MYRIP: variants seen among roughly 807,000 people sequenced by gnomAD.
The protein encoded by MYRIP is myosin VIIA and Rab interacting protein.
MYRIP carries 49 observed loss-of-function variants against 98.0 expected under a neutral mutation model. The observed-to-expected ratio is 0.50, with a 90% CI of 0.40 to 0.63. The LOEUF (loss-of-function observed/expected upper bound fraction) is 0.63. Ranked by LOEUF, MYRIP falls within the 30% of genes least tolerant of loss-of-function variation. The pLI, the probability that MYRIP is intolerant of heterozygous loss-of-function variation, is 0.00. For missense variants in MYRIP, 1,004 were observed against 1,058.2 expected, an observed-to-expected ratio of 0.95 and a Z score of 0.71; for synonymous variants, 404 against 409.5, an observed-to-expected ratio of 0.99 and a Z score of 0.16.
intron 2 of MYRIP, among the ~76,000 whole-genome samples, chr3:39,973,718 A>G (rs1945665238): frequency 6.6e-6 from 1 of 152,190 alleles, no homozygotes; most frequent in African/African-American, 2.4e-5. Context: ...CCGCAGTGCA[A>G]TCAAACTAGA....
intron 2 of MYRIP, among the ~76,000 whole-genome samples, chr3:40,025,603 A>G (rs753831192): frequency 1.3e-5 from 2 of 152,142 alleles, no homozygotes; most frequent in South Asian, 2.1e-4. Flanking sequence ...CAATATTTCA[A>G]TGTAGGTTCT....
chr3:40,069,570 G>A (rs778892659), intron 3 of MYRIP, among the ~76,000 whole-genome samples: 8 of 151,994 alleles, frequency 5.3e-5, no homozygotes, highest in South Asian at 2.1e-4. Context: ...CTCTATGCCC[G>A]TTAAATAGTA....
At chr3:39,913,600 C>T (rs1285552453) in intron 2 of MYRIP, among the ~76,000 whole-genome samples, 1 of 152,174 alleles carries the variant, frequency 6.6e-6, no homozygotes, top group Non-Finnish European at 1.5e-5. Flanking sequence ...TAAGAAAAAT[C>T]AGTTAACATT....
intron 15 of MYRIP, 24 bp from the exon 16 acceptor site, chr3:40,251,857 T>G (rs1324612974): frequency 6.6e-7 from 1 of 1,514,132 alleles, no homozygotes; most frequent in African/African-American, 1.4e-5. Flanking sequence ...TGGGTAACAT[T>G]TTTTCCCATT....
intron 10 of MYRIP, among the ~76,000 whole-genome samples, chr3:40,204,399 C>A (rs1292219014): frequency 2.7e-5 from 4 of 149,508 alleles, no homozygotes; most frequent in Non-Finnish European, 4.4e-5. Context: ...CCAGGCTGGC[C>A]TCAAACTCCT....
intron 1 of MYRIP, among the ~76,000 whole-genome samples, chr3:39,879,726 G>C (rs1943111196): frequency 6.6e-6 from 1 of 152,148 alleles, no homozygotes; most frequent in African/African-American, 2.4e-5. Flanking sequence ...CTTCTTTCCT[G>C]TGAAGGGCAG....
chr3:39,836,965 G>T (rs1349970123), intron 1 of MYRIP, among the ~76,000 whole-genome samples: 1 of 152,194 alleles, frequency 6.6e-6, no homozygotes, highest in Admixed American at 6.5e-5. Flanking sequence ...TTTAACTGGG[G>T]AAGACTCTGT....
chr3:39,978,797 TTATC>T lies in MYRIP; in HGVS notation c.111-65249_111-65246del, dbSNP rs750766983. On this transcript the variant is annotated intron_variant, in intron 2 of 16. Transcript: ENST00000302541. ...GTTTGCACGGAAAGTGCTACACACT[TTATC>T]TATGTGTTTTACTGGACTTTGTTTT... is the stretch of plus-strand genomic sequence containing the variant. Among the ~76,000 whole-genome samples the T allele has an allele frequency of 4.6e-5, 7 of 152,290 alleles. No homozygotes were observed. The South Asian group carries it at 1.5e-3, about 32-fold the overall frequency.
rs1351161187 is a variant in MYRIP, at chr3:39,809,638, C to T, written c.-309C>T. 2.0e-5 allele frequency: 3 copies of T among 151,726 alleles called. No individual in the cohort carries two copies. Among genetic ancestry groups the T allele is most frequent in the Non-Finnish European group, 2.9e-5 (2 of 67,836 alleles). The allele number at this position is 151,726 out of a possible 1,614,324, so 9.4% of individuals were successfully genotyped here. On this transcript the variant is annotated 5_prime_UTR_variant, in exon 1 of 17. Coordinates refer to ENST00000302541, the MANE Select transcript of MYRIP (RefSeq NM_015460.4). ...TGGCCCTGGCTGCCTGCGGCGCGGG[C>T]GCCTCCCTCGCAGCCGCTGCTGCCG...
At chr3:39,837,408 G>A (rs962687140) in intron 1 of MYRIP, among the ~76,000 whole-genome samples, 2 of 152,092 alleles carry the variant, frequency 1.3e-5, no homozygotes, top group African/African-American at 2.4e-5. Context: ...TGTAAGGAAG[G>A]GGTCCAGTTT....
At chr3:40,204,150 A>AT (rs1951713805) in intron 10 of MYRIP, among the ~76,000 whole-genome samples, 2 of 15,184 alleles carry the variant, frequency 1.3e-4, no homozygotes, top group Admixed American at 1.4e-3. Context: ...TATATAATAT[A>AT]TAAATATATA....
intron 2 of MYRIP, among the ~76,000 whole-genome samples, chr3:39,921,701 T>C (rs1298090192): frequency 2.6e-5 from 4 of 151,864 alleles, no homozygotes; most frequent in Non-Finnish European, 4.4e-5. Flanking sequence ...GCCAACATGG[T>C]GAAACCCCGT....
At chr3:39,833,608 T>C (rs541237079) in intron 1 of MYRIP, among the ~76,000 whole-genome samples, 16 of 152,176 alleles carry the variant, frequency 1.1e-4, no homozygotes, top group Non-Finnish European at 2.1e-4. Context: ...TGGCATAGCG[T>C]TGGGTACAAG....
At chr3:39,866,536 T>A (rs918331552) in intron 1 of MYRIP, among the ~76,000 whole-genome samples, 1 of 152,224 alleles carries the variant, frequency 6.6e-6, no homozygotes. Flanking sequence ...AATGGTGTGA[T>A]CTCAGCTCAC....
intron 2 of MYRIP, among the ~76,000 whole-genome samples, chr3:39,903,136 A>T (rs1430134613): frequency 6.6e-6 from 1 of 152,186 alleles, no homozygotes; most frequent in Non-Finnish European, 1.5e-5. Context: ...AACTGAGGTG[A>T]CATTCTGAAT....
At position 39,900,853 on chromosome 3, in the gene MYRIP, G is replaced by A; in HGVS notation, c.37G>A (p.Asp13Asn). Residue 13 changes from aspartate (D) to asparagine (N), a missense_variant, in exon 2 of 17, where the codon GAT (aspartate) becomes AAT (asparagine). Asp to Asn is a conservative substitution (Grantham distance 23). Coordinates refer to ENST00000302541, the MANE Select transcript of MYRIP (RefSeq NM_015460.4). ...GCTGGACCTGTCTGGTTTGACTGAT[G>A]ATGAAACAGAGCATGTTCTTCAGGT... ...RKLDLSGLTD[D>N]ETEHVLQVVQ... 18 of 1,613,874 alleles carry A rather than the reference G, an allele frequency of 1.1e-5. No individual in the cohort carries two copies. Among genetic ancestry groups the A allele is most frequent in the Non-Finnish European group, 1.5e-5 (18 of 1,179,972 alleles).
chr3:39,851,482 G>T (rs1397662271), intron 1 of MYRIP, among the ~76,000 whole-genome samples: 1 of 152,150 alleles, frequency 6.6e-6, no homozygotes, highest in Non-Finnish European at 1.5e-5. Flanking sequence ...CAGGGTGTGG[G>T]TATGGGTCTC....
chr3:39,908,044 T>A (rs2125677701), intron 2 of MYRIP, among the ~76,000 whole-genome samples: 1 of 152,348 alleles, frequency 6.6e-6, no homozygotes, highest in East Asian at 1.9e-4. Context: ...TTAAAATTTC[T>A]CATTTACTAT....
intron 1 of MYRIP, among the ~76,000 whole-genome samples, chr3:39,899,550 C>A (rs192616819): frequency 2.4e-3 from 364 of 152,180 alleles, no homozygotes; most frequent in Non-Finnish European, 4.1e-3. Context: ...CAATTGATGT[C>A]TGGTGTATAT....
Sources: gnomAD v4.1 joint callset for allele counts (sites outside exome capture counted in the v4.1 genomes callset) on GRCh38, gnomAD v4.1.1 for gene constraint, MANE v1.5 for transcripts, NCBI Gene and HGNC (gene_info 2026-07-23, HGNC 2026-07-21) for gene names.